The following LUZP2 variants were observed in gnomAD, a reference collection of about 807,000 sequenced individuals.
LUZP2 encodes the protein leucine zipper protein 2.
A neutral mutation model predicts 51.6 loss-of-function variants in LUZP2; 52 were observed. The observed-to-expected ratio is 1.01, with a 90% CI of 0.81 to 1.27. The LOEUF (loss-of-function observed/expected upper bound fraction) is 1.27, where lower values mean the gene tolerates loss of function less well. Ranked by LOEUF, LUZP2 falls within the 50% of genes most tolerant of loss-of-function variation. The pLI is 0.00. For synonymous variants in LUZP2, 154 were observed against 137.3 expected (o/e 1.12, Z -0.85); for missense variants, 436 against 395.4 (o/e 1.10, Z -0.87).
chr11:25,067,366 A>G (rs1199539407), intron 10 of LUZP2, among the ~76,000 whole-genome samples: 1 of 152,072 alleles, frequency 6.6e-6, no homozygotes, highest in Non-Finnish European at 1.5e-5. Context: ...TTTGCTGTGC[A>G]GAAGCTCTTT....
chr11:24,519,603 C>T (rs1237009030), intron 1 of LUZP2, among the ~76,000 whole-genome samples: 2 of 152,232 alleles, frequency 1.3e-5, no homozygotes, highest in East Asian at 3.9e-4. Flanking sequence ...AAGGGTTTCG[C>T]CTTTCATCCA....
chr11:24,581,479 T>C (rs918418359), intron 1 of LUZP2, among the ~76,000 whole-genome samples: 1 of 151,892 alleles, frequency 6.6e-6, no homozygotes, highest in Non-Finnish European at 1.5e-5. Flanking sequence ...GAGATCAGGC[T>C]CTCCAACATG....
intron 5 of LUZP2, among the ~76,000 whole-genome samples, chr11:24,872,717 A>T (rs1852120710): frequency 1.3e-5 from 2 of 152,262 alleles, no homozygotes; most frequent in South Asian, 4.1e-4. Flanking sequence ...AGTATCAGTG[A>T]CATATGACTA....
rs551549358 is a variant in LUZP2, at chr11:24,942,032, T to A, written c.522+27494T>A. Among the ~76,000 whole-genome samples the A allele has an allele frequency of 5.3e-5, 8 of 152,292 alleles. No homozygotes were observed. In the South Asian group the frequency reaches 1.7e-3, roughly 32 times the overall value. ...ATATGCTTGAGTTCATATATGTTGT[T>A]TGATATGTCAGTCATTTTTCCCTTT... On this transcript the variant is annotated intron_variant, in intron 7 of 11. Coordinates refer to ENST00000336930, the MANE Select transcript of LUZP2 (RefSeq NM_001009909.4).
intron 7 of LUZP2, among the ~76,000 whole-genome samples, chr11:24,971,978 A>G (rs1354394700): frequency 1.3e-5 from 2 of 151,874 alleles, no homozygotes; most frequent in East Asian, 2.0e-4. Context: ...TGTTTTTACT[A>G]AAACAGAACA....
chr11:24,541,257 G>GAAAAAAAAAAAAAAAAAAA (rs3077907), intron 1 of LUZP2, among the ~76,000 whole-genome samples: 1 of 114,212 alleles, frequency 8.8e-6, no homozygotes. Flanking sequence ...TCATCTCAAG[G>GAAAAAAAAAAAAAAAAAAA]AAAAAAAAAA....
At chr11:24,607,429 T>G (rs1219175800) in intron 1 of LUZP2, among the ~76,000 whole-genome samples, 1 of 150,020 alleles carries the variant, frequency 6.7e-6, no homozygotes, top group Non-Finnish European at 1.5e-5. Flanking sequence ...TTATCCATTA[T>G]GTAGTCCTGG....
chr11:24,865,419 A>G (rs1209151191), intron 5 of LUZP2, among the ~76,000 whole-genome samples: 1 of 152,208 alleles, frequency 6.6e-6, no homozygotes, highest in East Asian at 1.9e-4. Flanking sequence ...TAATTTGCCT[A>G]TGGCAAAGAT....
At chr11:24,781,899 A>G (rs1443574729) in intron 5 of LUZP2, among the ~76,000 whole-genome samples, 1 of 151,986 alleles carries the variant, frequency 6.6e-6, no homozygotes, top group African/African-American at 2.4e-5. Flanking sequence ...AAAAATGAAT[A>G]TTCTGATGAA....
intron 7 of LUZP2, among the ~76,000 whole-genome samples, chr11:24,917,175 G>C (rs905265086): frequency 6.6e-6 from 1 of 152,018 alleles, no homozygotes; most frequent in Non-Finnish European, 1.5e-5. Context: ...AATTTTGATG[G>C]GGTTGTTTGT....
intron 1 of LUZP2, among the ~76,000 whole-genome samples, chr11:24,716,706 G>A (rs564078151): frequency 4.6e-5 from 7 of 152,180 alleles, no homozygotes; most frequent in East Asian, 1.9e-4. Context: ...AGACCAACTG[G>A]CCAACATGGT....
chr11:25,000,004 C>T (rs897592080), intron 9 of LUZP2, among the ~76,000 whole-genome samples: 9 of 120,116 alleles, frequency 7.5e-5, no homozygotes, highest in Non-Finnish European at 3.9e-5. Context: ...TATTTGGCCC[C>T]GCCCATATCC....
chr11:24,933,466 C>T (rs889410017), intron 7 of LUZP2, among the ~76,000 whole-genome samples: 2 of 152,044 alleles, frequency 1.3e-5, no homozygotes, highest in African/African-American at 4.8e-5. Flanking sequence ...GTCTCCTGAC[C>T]AGGTTTATTC....
intron 10 of LUZP2, among the ~76,000 whole-genome samples, chr11:25,070,226 CCTAAATTTAT>C (rs1319270671): frequency 6.6e-6 from 1 of 151,812 alleles, no homozygotes; most frequent in Non-Finnish European, 1.5e-5. Flanking sequence ...TATCCTTTCA[CCTAAATTTAT>C]CTATATATTA....
At chr11:24,835,289 A>C (rs1158608073) in intron 5 of LUZP2, among the ~76,000 whole-genome samples, 1 of 152,148 alleles carries the variant, frequency 6.6e-6, no homozygotes, top group East Asian at 1.9e-4. Context: ...CTTTCCTTAC[A>C]CCTTATACAA....
chr11:24,562,470 GA>G (rs5790416), intron 1 of LUZP2, among the ~76,000 whole-genome samples: 2 of 148,714 alleles, frequency 1.3e-5, no homozygotes, highest in Non-Finnish European at 3.0e-5. Flanking sequence ...GAGTCCTAAG[GA>G]AAAAAAAAGA....
At chr11:24,947,420 G>T (rs529019425) in intron 7 of LUZP2, among the ~76,000 whole-genome samples, 4 of 151,780 alleles carry the variant, frequency 2.6e-5, no homozygotes, top group Non-Finnish European at 5.9e-5. Context: ...ACACTGAATA[G>T]CTTACACTAG....
intron 5 of LUZP2, among the ~76,000 whole-genome samples, chr11:24,776,667 T>G (rs1391097166): frequency 6.6e-6 from 1 of 152,200 alleles, no homozygotes; most frequent in Non-Finnish European, 1.5e-5. Flanking sequence ...CCCTTGGCTA[T>G]AATTCTACCA....
chr11:25,050,571 T>TG (rs1313574604), intron 10 of LUZP2, among the ~76,000 whole-genome samples: 3 of 152,120 alleles, frequency 2.0e-5, no homozygotes, highest in Admixed American at 6.5e-5. Context: ...CCCAAAGGGC[T>TG]GGGATTACAG....
Sources: allele counts gnomAD v4.1 joint callset (sites outside exome capture counted in the v4.1 genomes callset), GRCh38; gene constraint gnomAD v4.1.1; transcripts MANE v1.5; gene names NCBI Gene and HGNC (gene_info 2026-07-23, HGNC 2026-07-21).